Variants in P4HA3 observed in about 807,000 individuals in gnomAD.
P4HA3 encodes the protein prolyl 4-hydroxylase subunit alpha 3.
P4HA3 carries 60 observed loss-of-function variants against 66.7 expected under a neutral mutation model. That is an observed-to-expected ratio of 0.90 (90% CI 0.73 to 1.12). The LOEUF (loss-of-function observed/expected upper bound fraction) is 1.12, where lower values mean the gene tolerates loss of function less well. Among genes scored for constraint, P4HA3 ranks in the 50% most tolerant of loss-of-function variants. P4HA3 has a pLI of 0.00. For missense variants in P4HA3, 683 were observed against 685.8 expected, an observed-to-expected ratio of 1.00 and a Z score of 0.05; for synonymous variants, 263 against 274.6, an observed-to-expected ratio of 0.96 and a Z score of 0.42.
intron 4 of P4HA3, among the ~76,000 whole-genome samples, chr11:74,292,485 T>C (rs1419555925): frequency 6.6e-6 from 1 of 152,252 alleles, no homozygotes; most frequent in African/African-American, 2.4e-5. Flanking sequence ...TGCCTTCTGC[T>C]AGCTTTTGAA....
Position 74,279,469 on chromosome 11 carries a change from A to G in P4HA3, c.1111-17T>C, listed in dbSNP as rs769735772. ...CCTCTGTAGCTGGTGGGAAGAATGT[A>G]AGACAAAGTCCAAGTGGTTATGATG... On this transcript the variant is annotated splice_polypyrimidine_tract_variant and intron_variant, in intron 7 of 12. Transcript: ENST00000331597. The G allele has an allele frequency of 9.9e-6, 16 of 1,613,204 alleles. No homozygotes were observed. Among genetic ancestry groups the G allele is most frequent in the Non-Finnish European group, 1.4e-5 (16 of 1,179,164 alleles).
At chr11:74,310,043 A>G (rs1044070999) in intron 1 of P4HA3, among the ~76,000 whole-genome samples, 1 of 152,006 alleles carries the variant, frequency 6.6e-6, no homozygotes, top group Non-Finnish European at 1.5e-5. Context: ...TACCACACAC[A>G]CTCACGCAAA....
At chr11:74,305,748 C>G (rs1861561798) in intron 1 of P4HA3, among the ~76,000 whole-genome samples, 1 of 152,078 alleles carries the variant, frequency 6.6e-6, no homozygotes, top group Non-Finnish European at 1.5e-5. Context: ...AAGAAAATAA[C>G]TTTTTTTCTC....
At chr11:74,252,940 T>C (rs377020021) in intron 15 of P4HA3, among the ~76,000 whole-genome samples, 1 of 152,180 alleles carries the variant, frequency 6.6e-6, no homozygotes, top group East Asian at 1.9e-4. Context: ...CCTTTGATCC[T>C]CAGAGAGCCC....
At position 74,266,825 on chromosome 11, in the gene P4HA3, A is replaced by G; in HGVS notation, c.*423T>C. 1 of 558,078 alleles carries G rather than the reference A, an allele frequency of 1.8e-6. No homozygotes were observed. The highest frequency in any genetic ancestry group is 3.1e-6 in the Non-Finnish European group (1 of 324,248). 34.6% of individuals were successfully genotyped at this position (558,078 alleles called of 1,614,324 possible). On this transcript the variant is annotated 3_prime_UTR_variant, in exon 13 of 13. Coordinates refer to ENST00000331597, the MANE Select transcript of P4HA3 (RefSeq NM_182904.5). Reference sequence around the variant, plus strand: ...GCTGCAGCAGAAGGCAGTGGGGAGAAAGTCTTAAAGTTCTGGGAGTCAGGC... The same window carrying G: ...GCTGCAGCAGAAGGCAGTGGGGAGAGAGTCTTAAAGTTCTGGGAGTCAGGC...
chr11:74,263,284 TC>T (rs2135697910), downstream of P4HA3, among the ~76,000 whole-genome samples: 1 of 152,314 alleles, frequency 6.6e-6, no homozygotes, highest in East Asian at 1.9e-4. Flanking sequence ...ACTGATTCAT[TC>T]CTATATTCAA....
At chr11:74,273,467 G>A (rs534266155) in intron 10 of P4HA3, 78 bp downstream of exon 10, 15 of 1,274,460 alleles carry the variant, frequency 1.2e-5, no homozygotes, top group Middle Eastern at 4.0e-4. Flanking sequence ...AAATCAATAC[G>A]TGAAATTGCT....
intron 1 of P4HA3, among the ~76,000 whole-genome samples, chr11:74,308,014 T>C (rs1432534951): frequency 1.3e-5 from 2 of 152,224 alleles, no homozygotes; most frequent in African/African-American, 4.8e-5. Flanking sequence ...CTAGTATATG[T>C]ACCATACTGG....
intron 9 of P4HA3, among the ~76,000 whole-genome samples, chr11:74,275,029 ATTATC>A (rs1046456952): frequency 2.0e-4 from 31 of 152,292 alleles, no homozygotes; most frequent in African/African-American, 7.5e-4. Context: ...AAAAAATTGA[ATTATC>A]TTATTACTGA....
chr11:74,278,812 T>C (rs79639663), intron 8 of P4HA3, among the ~76,000 whole-genome samples: 6,053 of 152,110 alleles, frequency 0.04, 128 homozygotes, highest in Middle Eastern at 0.11. Context: ...CAAACTGATC[T>C]CCATCCTGAG....
chr11:74,300,149 C>T (rs1861360646), intron 3 of P4HA3, among the ~76,000 whole-genome samples: 1 of 152,212 alleles, frequency 6.6e-6, no homozygotes, highest in Admixed American at 6.5e-5. Context: ...ACCAGAGTTT[C>T]TGGAAGAAGA....
intron 1 of P4HA3, 123 bp from the exon 2 acceptor site, chr11:74,304,535 A>G: frequency 2.6e-6 from 3 of 1,158,962 alleles, no homozygotes; most frequent in Non-Finnish European, 3.6e-6. Flanking sequence ...TGAGATTCAC[A>G]TAATAGTCCA....
chr11:74,269,113 G>T (rs1468171192), intron 11 of P4HA3, among the ~76,000 whole-genome samples: 1 of 152,206 alleles, frequency 6.6e-6, no homozygotes, highest in African/African-American at 2.4e-5. Context: ...GGTAAGGGCT[G>T]CCAGGGAGTT....
downstream of P4HA3, among the ~76,000 whole-genome samples, chr11:74,265,417 CT>C (rs1322472088): frequency 2.2e-4 from 33 of 152,164 alleles, no homozygotes; most frequent in African/African-American, 7.7e-4. Flanking sequence ...CTCTGGGAAG[CT>C]GAGGTCATAT....
chr11:74,253,311 G>A (rs1402262954), intron 15 of P4HA3, among the ~76,000 whole-genome samples: 1 of 152,130 alleles, frequency 6.6e-6, no homozygotes, highest in African/African-American at 2.4e-5. Flanking sequence ...TGGAGCCTTG[G>A]GCAAATGAGC....
At chr11:74,273,755 G>A (rs777628237) in intron 9 of P4HA3, 148 bp from the exon 10 acceptor site, 11 of 513,078 alleles carry the variant, frequency 2.1e-5, no homozygotes, top group Middle Eastern at 4.2e-4. Flanking sequence ...GTATGTGCCC[G>A]TCTTTGCTGG....
chr11:74,297,972 C>T (rs1165280788), intron 4 of P4HA3, among the ~76,000 whole-genome samples: 1 of 152,194 alleles, frequency 6.6e-6, no homozygotes, highest in Non-Finnish European at 1.5e-5. Context: ...GGAAAGAGCA[C>T]TGGACTAACA....
At chr11:74,275,553 C>T (rs1023880474) in intron 9 of P4HA3, among the ~76,000 whole-genome samples, 1 of 152,298 alleles carries the variant, frequency 6.6e-6, no homozygotes, top group East Asian at 1.9e-4. Flanking sequence ...TACACTGGTA[C>T]CACACTGCCT....
In P4HA3 at chr11:74,311,612, A is replaced by G. The variant is rs1861756600; in HGVS notation, c.-1T>C. 1.3e-5 allele frequency: 20 copies of G among 1,501,718 alleles called. No individual in the cohort carries two copies. The highest frequency in any genetic ancestry group is 1.8e-5 in the Non-Finnish European group (20 of 1,137,222). The allele number at this position is 1,501,718 out of a possible 1,614,324, so 93.0% of individuals were successfully genotyped here. ...CCGCCAGCCGCGCCCCAGGACCCAT[A>G]GCCAGCGCTCGCGAACTTCCCCTCA... On this transcript the variant is annotated 5_prime_UTR_variant, in exon 1 of 13. Coordinates refer to ENST00000331597, the MANE Select transcript of P4HA3 (RefSeq NM_182904.5).
Sources: gnomAD v4.1 joint callset for allele counts (sites outside exome capture counted in the v4.1 genomes callset) on GRCh38, gnomAD v4.1.1 for gene constraint, MANE v1.5 for transcripts, NCBI Gene and HGNC (gene_info 2026-07-23, HGNC 2026-07-21) for gene names.